MYH9: variants seen among roughly 807,000 people sequenced by gnomAD.
The protein encoded by MYH9 is myosin heavy chain 9.
Under a neutral mutation model 241.9 loss-of-function variants are expected in MYH9, and 29 were observed. The ratio of observed to expected loss-of-function variants is 0.12; its 90% CI spans 0.09 to 0.16. MYH9 has a LOEUF of 0.16. MYH9 is among the 10% of genes least tolerant of loss of function. The pLI is 1.00. For synonymous variants in MYH9, 1,047 were observed against 1,062.6 expected, an observed-to-expected ratio of 0.99 and a Z score of 0.29; for missense variants, 1,803 against 2,595.5, an observed-to-expected ratio of 0.69 and a Z score of 6.63.
Position 36,318,361 on chromosome 22 carries a change from G to A in MYH9, c.1109-36C>T, listed in dbSNP as rs144202182. ...TCAGAGAATAAGAGAGGGACAAAAAGTCCTAATTAGACCCAAGAGAGAAAG... is the reference window on the plus strand; with the variant it reads ...TCAGAGAATAAGAGAGGGACAAAAAATCCTAATTAGACCCAAGAGAGAAAG... On this transcript the variant is annotated intron_variant, in intron 10 of 40. Transcript: ENST00000216181. 12 of 1,497,310 alleles carry A rather than the reference G, an allele frequency of 8.0e-6. No individual in the cohort carries two copies. The African/African-American group carries it at 1.4e-4, about 17-fold the overall frequency. 92.8% of individuals were successfully genotyped at this position (1,497,310 alleles called of 1,614,324 possible).
rs778045706 is a variant in MYH9, at chr22:36,296,834, G to A, written c.3272+9C>T. On this transcript the variant is annotated intron_variant, in intron 25 of 40. Transcript: ENST00000216181. ...CACCTGGCCTCAGGCGGGCAGGCGG[G>A]GTCCTCACCTGGCCAGGGCGGCCTG... 3.1e-6 allele frequency: 5 copies of A among 1,600,936 alleles called. No homozygotes were observed. In the South Asian group the frequency reaches 5.5e-5, roughly 18 times the overall value.
intron 13 of MYH9, among the ~76,000 whole-genome samples, 187 bp from the exon 14 acceptor site, chr22:36,312,409 C>T (rs777940790): frequency 1.1e-4 from 17 of 152,182 alleles, no homozygotes; most frequent in Non-Finnish European, 2.2e-4. Flanking sequence ...GCCCAGGCTG[C>T]GGCTGACACC....
At chr22:36,384,364 C>T (rs2018306184) in intron 1 of MYH9, among the ~76,000 whole-genome samples, 1 of 150,656 alleles carries the variant, frequency 6.6e-6, no homozygotes, top group African/African-American at 2.5e-5. Context: ...GGGCAGATCA[C>T]CTGAGGTCAG....
At chr22:36,370,472 A>G (rs975211192) in intron 1 of MYH9, among the ~76,000 whole-genome samples, 1 of 152,248 alleles carries the variant, frequency 6.6e-6, no homozygotes, top group Non-Finnish European at 1.5e-5. Flanking sequence ...ACCAGCACAT[A>G]AGCCAGCACA....
chr22:36,292,072 G>C lies in MYH9; in HGVS notation c.4258C>G (p.Gln1420Glu), dbSNP rs200510675. 7 of 1,614,148 alleles carry C rather than the reference G, an allele frequency of 4.3e-6. No individual in the cohort carries two copies. In the East Asian group the frequency reaches 1.1e-4, roughly 26 times the overall value. Residue 1420 changes from glutamine to glutamate, a missense_variant, in exon 31 of 41, where the codon CAG (glutamine) becomes GAG (glutamate). By Grantham distance (29) the Gln-to-Glu change is conservative. Around this residue, in one of 11 missense-constraint regions of MYH9, gnomAD observed 876 missense variants for 1,077.8 expected, o/e 0.81. Transcript: ENST00000216181. ...TCCACCAGCAGGTCGTCCAGCTCCTGCTGCAGCCGCGTCTTGGTCTTCTCC... is the reference window on the plus strand; with the variant it reads ...TCCACCAGCAGGTCGTCCAGCTCCTCCTGCAGCCGCGTCTTGGTCTTCTCC... ...KLEKTKTRLQ[Q>E]ELDDLLVDLD...
At chr22:36,385,526 A>G (rs2272828) in intron 1 of MYH9, among the ~76,000 whole-genome samples, 7,391 of 152,230 alleles carry the variant, frequency 0.049, 199 homozygotes, top group East Asian at 0.11. Flanking sequence ...ATCCTACGAG[A>G]GAGAAGTTGT....
chr22:36,327,626 C>T, intron 3 of MYH9, 138 bp from the exon 4 acceptor site: 2 of 1,011,774 alleles, frequency 2.0e-6, no homozygotes, highest in Admixed American at 2.0e-5. Flanking sequence ...GCAGTCTACC[C>T]TCACACCTGG....
At chr22:36,385,615 T>C (rs1009668140) in intron 1 of MYH9, among the ~76,000 whole-genome samples, 1 of 152,126 alleles carries the variant, frequency 6.6e-6, no homozygotes, top group African/African-American at 2.4e-5. Flanking sequence ...TCTACCCTCC[T>C]GAACCTTTCA....
chr22:36,312,729 C>T (rs2017085289), intron 13 of MYH9, among the ~76,000 whole-genome samples: 1 of 152,220 alleles, frequency 6.6e-6, no homozygotes, highest in Non-Finnish European at 1.5e-5. Flanking sequence ...GGTTTGGACA[C>T]TGCAGAGAGG....
At chr22:36,337,922 C>T (rs928186220) in intron 3 of MYH9, among the ~76,000 whole-genome samples, 29 of 152,306 alleles carry the variant, frequency 1.9e-4, no homozygotes, top group African/African-American at 7.0e-4. Flanking sequence ...AACTTCCTCC[C>T]TGCTCCAAGA....
Position 36,293,064 on chromosome 22 carries a change from A to G in MYH9, c.4095+265T>C, listed in dbSNP as rs896478848. Among the ~76,000 whole-genome samples, 3 of 152,242 alleles carry G rather than the reference A, an allele frequency of 2.0e-5. No homozygotes were observed. The highest frequency in any genetic ancestry group is 4.8e-5 in the African/African-American group (2 of 41,476). ...CCATGGCTTGCTGCCTACATCCATAATGGAAGCAATGCTGAATTTCAGCTA... is the reference window on the plus strand; with the variant it reads ...CCATGGCTTGCTGCCTACATCCATAGTGGAAGCAATGCTGAATTTCAGCTA... On this transcript the variant is annotated intron_variant, in intron 30 of 40. Transcript: ENST00000216181. This position sits in a 1 kb window ranked among gnomAD's most constrained non-coding sequence, Gnocchi z 5.1.
At chr22:36,345,314 A>G (rs1359483225) in intron 2 of MYH9, among the ~76,000 whole-genome samples, 1 of 136,786 alleles carries the variant, frequency 7.3e-6, no homozygotes, top group Non-Finnish European at 1.5e-5. Flanking sequence ...TCCGTCTCAA[A>G]AAAAAAAAAA....
At chr22:36,352,687 T>C (rs1181153708) in intron 1 of MYH9, among the ~76,000 whole-genome samples, 2 of 152,150 alleles carry the variant, frequency 1.3e-5, no homozygotes, top group Non-Finnish European at 2.9e-5. Flanking sequence ...ACTTGAAGAC[T>C]AGCAGAGGCC....
chr22:36,377,631 C>A (rs990342561), intron 1 of MYH9, among the ~76,000 whole-genome samples: 2 of 152,110 alleles, frequency 1.3e-5, no homozygotes, highest in Admixed American at 1.3e-4. Context: ...TGAACCTGGC[C>A]GGGTGCGGTG....
chr22:36,286,323 C>T (rs969338166), intron 35 of MYH9, among the ~76,000 whole-genome samples: 1 of 152,122 alleles, frequency 6.6e-6, no homozygotes, highest in African/African-American at 2.4e-5. Flanking sequence ...GATGGCTACA[C>T]CCTGGACGCA....
chr22:36,287,114 C>T (rs1318847205), intron 34 of MYH9, among the ~76,000 whole-genome samples: 4 of 152,300 alleles, frequency 2.6e-5, no homozygotes, highest in Admixed American at 1.3e-4. Flanking sequence ...TCCTGTGGGC[C>T]GGAAGCCAGT....
intron 5 of MYH9, among the ~76,000 whole-genome samples, chr22:36,324,716 G>A (rs1351875807): frequency 1.5e-4 from 23 of 152,220 alleles, no homozygotes; most frequent in Admixed American, 1.3e-3. Context: ...CAACCAAACC[G>A]GCCAATGGTC....
chr22:36,354,956 A>AACAC (rs136203), intron 1 of MYH9, among the ~76,000 whole-genome samples: 7,690 of 123,610 alleles, frequency 0.062, 356 homozygotes, highest in South Asian at 0.15. Context: ...CAAAAAACAA[A>AACAC]ACACACACAC....
At chr22:36,321,842 A>G (rs1354519336) in intron 6 of MYH9, 21 bp from the exon 7 acceptor site, 3 of 1,608,876 alleles carry the variant, frequency 1.9e-6, no homozygotes, top group Non-Finnish European at 1.7e-6. Context: ...AAGGATAGCA[A>G]GAGATCAGAG....
Sources: gnomAD v4.1 joint callset for allele counts (sites outside exome capture counted in the v4.1 genomes callset) on GRCh38, gnomAD v4.1.1 for gene constraint, gnomAD v4.1.1 regional missense constraint, Gnocchi (gnomAD v3.1) non-coding constraint, MANE v1.5 for transcripts, NCBI Gene and HGNC (gene_info 2026-07-23, HGNC 2026-07-21) for gene names.